Variants in SLC4A4 observed in about 807,000 individuals in gnomAD.
The protein encoded by SLC4A4 is solute carrier family 4 member 4.
SLC4A4 carries 27 observed loss-of-function variants against 111.5 expected under a neutral mutation model. The ratio of observed to expected loss-of-function variants is 0.24; its 90% CI spans 0.18 to 0.33. SLC4A4 has a LOEUF of 0.33. Ranked by LOEUF, SLC4A4 falls within the 10% of genes least tolerant of loss-of-function variation. The pLI, the probability that SLC4A4 is intolerant of heterozygous loss-of-function variation, is 1.00. For synonymous variants in SLC4A4, 443 were observed against 463.4 expected, an observed-to-expected ratio of 0.96 and a Z score of 0.57; for missense variants, 909 against 1,315.5, an observed-to-expected ratio of 0.69 and a Z score of 4.78.
chr4:71,213,778 G>T (rs573165284), intron 1 of SLC4A4, among the ~76,000 whole-genome samples: 8 of 152,272 alleles, frequency 5.3e-5, no homozygotes, highest in South Asian at 2.1e-4. Flanking sequence ...GAAGAGACAT[G>T]CGAGAGATGA....
At chr4:71,263,830 C>G (rs1722044272) in intron 3 of SLC4A4, among the ~76,000 whole-genome samples, 1 of 151,718 alleles carries the variant, frequency 6.6e-6, no homozygotes, top group Non-Finnish European at 1.5e-5. Flanking sequence ...AAATATATTA[C>G]AATATTAAAA....
chr4:71,176,227 G>GA (rs771512597), intron 2 of SLC4A4, among the ~76,000 whole-genome samples: 19 of 152,078 alleles, frequency 1.2e-4, no homozygotes, highest in African/African-American at 1.7e-4. Flanking sequence ...CAAAGATGGG[G>GA]AAAAAACAGA....
At chr4:71,408,103 T>A (rs1721038873) in intron 7 of SLC4A4, among the ~76,000 whole-genome samples, 3 of 152,190 alleles carry the variant, frequency 2.0e-5, no homozygotes. Context: ...CAATCTGAGA[T>A]CATAGATTAT....
chr4:71,175,514 G>A (rs1481498506), intron 2 of SLC4A4, among the ~76,000 whole-genome samples: 2 of 152,238 alleles, frequency 1.3e-5, no homozygotes, highest in Non-Finnish European at 2.9e-5. Context: ...TTAGCAAACG[G>A]CACACCAGGA....
At chr4:71,156,169 T>C (rs1345701633) in intron 2 of SLC4A4, among the ~76,000 whole-genome samples, 2 of 152,190 alleles carry the variant, frequency 1.3e-5, no homozygotes, top group African/African-American at 4.8e-5. Context: ...TTCCACAGGG[T>C]GCCGCCAAGG....
chr4:71,132,879 T>A (rs1411657250), intron 2 of SLC4A4, among the ~76,000 whole-genome samples: 1 of 152,184 alleles, frequency 6.6e-6, no homozygotes, highest in Non-Finnish European at 1.5e-5. Flanking sequence ...CATGTGTGTA[T>A]CACTGTGTTG....
rs557400514 is a variant in SLC4A4, at chr4:71,331,261, G to T, written c.254-8109G>T. 5.5e-3 allele frequency among the ~76,000 whole-genome samples: 835 copies of T among 152,224 alleles called. 8 individuals carry two copies. Among genetic ancestry groups the T allele is most frequent in the African/African-American group, 0.017 (712 of 41,538 alleles). On this transcript the variant is annotated intron_variant, in intron 3 of 25. Transcript: ENST00000264485. The stretch of plus-strand genomic sequence containing the variant: ...TACCCAAAGGATTATAAATCATGCT[G>T]CTATAAAGACACATGCACACGTATG...
At chr4:71,274,556 G>A (rs1419655923) in intron 3 of SLC4A4, among the ~76,000 whole-genome samples, 2 of 152,218 alleles carry the variant, frequency 1.3e-5, no homozygotes, top group African/African-American at 4.8e-5. Flanking sequence ...CAGAAGTGCA[G>A]TTCCCAAATG....
intron 15 of SLC4A4, among the ~76,000 whole-genome samples, chr4:71,492,902 C>T (rs549283747): frequency 2.0e-5 from 3 of 151,916 alleles, no homozygotes; most frequent in Non-Finnish European, 4.4e-5. Flanking sequence ...CTTCATACCA[C>T]TCATTTAGAT....
intron 2 of SLC4A4, among the ~76,000 whole-genome samples, chr4:71,143,176 C>T (rs571395547): frequency 2.1e-4 from 32 of 152,080 alleles, no homozygotes; most frequent in Admixed American, 4.6e-4. Flanking sequence ...TCATTTCCCA[C>T]CTATGAGTGA....
rs58017272 is a variant in SLC4A4, at chr4:71,352,503, G to A, written c.550+2431G>A. On this transcript the variant is annotated intron_variant, in intron 5 of 25. Coordinates refer to ENST00000264485, the MANE Select transcript of SLC4A4 (RefSeq NM_001098484.3). ...GGGAAGATGTCATATATTAATTCCCGTGAGATACAGAGTGATGTTGAAGAA... is the reference window on the plus strand; with the variant it reads ...GGGAAGATGTCATATATTAATTCCCATGAGATACAGAGTGATGTTGAAGAA... Among the ~76,000 whole-genome samples the A allele has an allele frequency of 7.9e-3, 1,207 of 152,220 alleles. 17 individuals are homozygous for A. Among genetic ancestry groups the A allele is most frequent in the African/African-American group, 0.026 (1,068 of 41,532 alleles).
intron 11 of SLC4A4, 112 bp from the exon 12 acceptor site, chr4:71,453,383 C>T: frequency 9.3e-7 from 1 of 1,071,848 alleles, no homozygotes; most frequent in Admixed American, 1.7e-5. Flanking sequence ...AGTATCTTGT[C>T]ACTGATTCAA....
At chr4:71,449,339 A>G (rs1430175755) in intron 9 of SLC4A4, among the ~76,000 whole-genome samples, 3 of 152,112 alleles carry the variant, frequency 2.0e-5, no homozygotes, top group Non-Finnish European at 4.4e-5. Flanking sequence ...CCTTTTTCTT[A>G]TATCTTATTA....
At chr4:71,122,171 C>A (rs1743449952) in intron 2 of SLC4A4, among the ~76,000 whole-genome samples, 1 of 151,896 alleles carries the variant, frequency 6.6e-6, no homozygotes, top group South Asian at 2.1e-4. Flanking sequence ...TCAGTGAGAC[C>A]AAGAACCCAC....
At chr4:71,285,737 T>A (rs1723865908) in intron 3 of SLC4A4, among the ~76,000 whole-genome samples, 1 of 152,242 alleles carries the variant, frequency 6.6e-6, no homozygotes, top group Non-Finnish European at 1.5e-5. Context: ...TTAAATATTT[T>A]TTTTGAACTT....
chr4:71,496,497 A>G (rs1176311279), intron 15 of SLC4A4, among the ~76,000 whole-genome samples: 1 of 152,010 alleles, frequency 6.6e-6, no homozygotes, highest in Non-Finnish European at 1.5e-5. Context: ...AAGAGGGTAT[A>G]GTTTTAGACC....
At chr4:71,324,710 A>T (rs1025172814) in intron 3 of SLC4A4, among the ~76,000 whole-genome samples, 1 of 152,062 alleles carries the variant, frequency 6.6e-6, no homozygotes, top group Admixed American at 6.6e-5. Flanking sequence ...TATCTTATAG[A>T]TATGACCTGA....
chr4:71,293,582 A>G (rs985977502), intron 3 of SLC4A4, among the ~76,000 whole-genome samples: 1 of 152,066 alleles, frequency 6.6e-6, no homozygotes, highest in Non-Finnish European at 1.5e-5. Context: ...AAAGAAATAA[A>G]GAAGACTTTG....
chr4:71,374,416 C>T (rs1277245333), intron 6 of SLC4A4, among the ~76,000 whole-genome samples: 1 of 152,126 alleles, frequency 6.6e-6, no homozygotes, highest in Non-Finnish European at 1.5e-5. Flanking sequence ...CTTTCAGCAA[C>T]CTGATGTCTA....
Sources: gnomAD v4.1 joint callset for allele counts (sites outside exome capture counted in the v4.1 genomes callset) on GRCh38, gnomAD v4.1.1 for gene constraint, MANE v1.5 for transcripts, NCBI Gene and HGNC (gene_info 2026-07-23, HGNC 2026-07-21) for gene names.